ZCCHC14: variants seen among roughly 807,000 people sequenced by gnomAD.
ZCCHC14 encodes the protein zinc finger CCHC domain-containing protein 14.
Under a neutral mutation model 85.0 loss-of-function variants are expected in ZCCHC14, and 16 were observed. The observed-to-expected ratio is 0.19, with a 90% CI of 0.13 to 0.29. The LOEUF (loss-of-function observed/expected upper bound fraction) is 0.29, where lower values mean the gene tolerates loss of function less well. ZCCHC14 is among the 10% of genes least tolerant of loss of function. ZCCHC14 has a pLI of 1.00. For synonymous variants in ZCCHC14, 775 were observed against 630.7 expected, an observed-to-expected ratio of 1.23 and a Z score of -3.43; for missense variants, 1,303 against 1,443.5, an observed-to-expected ratio of 0.90 and a Z score of 1.58.
chr16:87,453,220 G>A lies in ZCCHC14; in HGVS notation c.694+6788C>T, dbSNP rs540718111. On this transcript the variant is annotated intron_variant, in intron 2 of 12. Coordinates refer to ENST00000671377, the MANE Select transcript of ZCCHC14 (RefSeq NM_015144.3). The stretch of plus-strand genomic sequence containing the variant: ...ACGCAGAGCCCGACTAGGGGCAGGT[G>A]GCATGACCTGGGCCCGCTGGGCCAC... Among the ~76,000 whole-genome samples the A allele has an allele frequency of 8.5e-4, 130 of 152,354 alleles. 1 individual carries two copies. The highest frequency in any genetic ancestry group is 8.4e-3 in the Admixed American group (129 of 15,306).
rs1407725950 is a variant in ZCCHC14, at chr16:87,492,502, G to A, written c.-264C>T. ...CCCGGGGCGGCCGGGGCGGCCGGGG[G>A]CGGCGAGCGGCCTCGGGCCCCCCGC... On this transcript the variant is annotated 5_prime_UTR_variant, in exon 1 of 13. Coordinates refer to ENST00000671377, the MANE Select transcript of ZCCHC14 (RefSeq NM_015144.3). The surrounding 1 kb of genome is among the most constrained non-coding windows in gnomAD (Gnocchi z 6.7). 8 of 145,376 alleles carry A rather than the reference G, an allele frequency of 5.5e-5. No homozygotes were observed. In the East Asian group the frequency reaches 1.6e-3, roughly 29 times the overall value. The allele number at this position is 145,376 out of a possible 1,614,324, so 9.0% of individuals were successfully genotyped here.
At position 87,492,599 on chromosome 16, in the gene ZCCHC14, T is replaced by A. The variant is rs1912824440; in HGVS notation, c.-361A>T. ...GCGCGGCGGCGGCGGCGGCTGCTCC[T>A]CGTCGTCGTCGTCGTCGTCGCCCGG... On this transcript the variant is annotated 5_prime_UTR_variant, in exon 1 of 13. Transcript: ENST00000671377. This position sits in a 1 kb window ranked among gnomAD's most constrained non-coding sequence, Gnocchi z 6.7. The A allele has an allele frequency of 7.1e-6, 1 of 140,704 alleles. No homozygotes were observed. The highest frequency in any genetic ancestry group is 7.0e-5 in the Admixed American group (1 of 14,278). The allele number at this position is 140,704 out of a possible 1,614,324, so 8.7% of individuals were successfully genotyped here.
chr16:87,425,941 G>C (rs1006007755), intron 3 of ZCCHC14, among the ~76,000 whole-genome samples: 3 of 152,220 alleles, frequency 2.0e-5, no homozygotes, highest in Non-Finnish European at 4.4e-5. Flanking sequence ...ATCTTATGTT[G>C]AAACAGACAA....
rs199672085 is a variant in ZCCHC14 at position 87,411,721 on chromosome 16, G to A, written c.3000C>T (p.Val1000=). Residue 1000 remains valine (V), a synonymous_variant, in exon 12 of 13, where the codon GTC becomes GTT. Coordinates refer to ENST00000671377, the MANE Select transcript of ZCCHC14 (RefSeq NM_015144.3). ...CGGCAAACGTGGACTGCCCACTCAG[G>A]ACAGGGTCTGGGGTCCCGCTGCTGC... The part of the protein sequence containing the change: ...PYSSSGTPDP[V]LSGQSTFAVP... The A allele has an allele frequency of 1.2e-6, 2 of 1,613,936 alleles. No individual in the cohort carries two copies. Among genetic ancestry groups the A allele is most frequent in the Non-Finnish European group, 1.7e-6 (2 of 1,180,032 alleles).
chr16:87,449,814 G>C (rs1910610315), intron 2 of ZCCHC14, among the ~76,000 whole-genome samples: 1 of 152,184 alleles, frequency 6.6e-6, no homozygotes, highest in Non-Finnish European at 1.5e-5. Flanking sequence ...GGAGGCCGAG[G>C]TGGGTGGATG....
At chr16:87,453,817 C>G (rs574802617) in intron 2 of ZCCHC14, among the ~76,000 whole-genome samples, 1 of 152,154 alleles carries the variant, frequency 6.6e-6, no homozygotes. Context: ...AGAGAAAACG[C>G]GATGAATGGA....
At chr16:87,445,823 A>G (rs1226377066) in intron 2 of ZCCHC14, among the ~76,000 whole-genome samples, 2 of 152,220 alleles carry the variant, frequency 1.3e-5, no homozygotes. Context: ...AAATTTTAAA[A>G]TAAAGCAAAT....
chr16:87,444,364 C>T (rs1910332187), intron 2 of ZCCHC14, among the ~76,000 whole-genome samples: 2 of 152,312 alleles, frequency 1.3e-5, no homozygotes, highest in South Asian at 2.1e-4. Flanking sequence ...AAATCTGGTA[C>T]AGCTTCAACA....
chr16:87,458,381 G>A (rs995789007), intron 2 of ZCCHC14, among the ~76,000 whole-genome samples: 8 of 152,160 alleles, frequency 5.3e-5, no homozygotes, highest in Non-Finnish European at 7.3e-5. Flanking sequence ...ATGAGGGTGC[G>A]GTGAAGACGC....
rs1236482381 is a variant in ZCCHC14 at position 87,492,705 on chromosome 16, C to CCGT, written c.-470_-468dup. The CCGT allele has an allele frequency of 1.4e-5, 2 of 145,410 alleles. No homozygotes were observed. The highest frequency in any genetic ancestry group is 3.1e-5 in the Non-Finnish European group (2 of 65,486). The allele number at this position is 145,410 out of a possible 1,614,324, so 9.0% of individuals were successfully genotyped here. On this transcript the variant is annotated 5_prime_UTR_variant, in exon 1 of 13. Transcript: ENST00000671377. This position sits in a 1 kb window ranked among gnomAD's most constrained non-coding sequence, Gnocchi z 6.7. Reference sequence around the variant, plus strand: ...CCCCGACGGAGCCGCCCCGGCCATGCCGTCGCCGCCGCCCGCGCCTCCGCC... The same window carrying CCGT: ...CCCCGACGGAGCCGCCCCGGCCATGCCGTCGTCGCCGCCGCCCGCGCCTCCGCC...
At chr16:87,462,228 A>T (rs768586942) in intron 1 of ZCCHC14, among the ~76,000 whole-genome samples, 1 of 151,924 alleles carries the variant, frequency 6.6e-6, no homozygotes, top group East Asian at 1.9e-4. Context: ...TGAATTTCTT[A>T]TATTTGTAAT....
chr16:87,453,557 C>T (rs1910810771), intron 2 of ZCCHC14, among the ~76,000 whole-genome samples: 2 of 152,224 alleles, frequency 1.3e-5, no homozygotes, highest in Admixed American at 1.3e-4. Flanking sequence ...GCCCGCCACA[C>T]ACCTGGCTGC....
At chr16:87,430,563 C>T (rs927016538) in intron 3 of ZCCHC14, among the ~76,000 whole-genome samples, 7 of 151,344 alleles carry the variant, frequency 4.6e-5, no homozygotes, top group Admixed American at 1.3e-4. Flanking sequence ...GCTCTGTTGC[C>T]CAGGCTGGAG....
At chr16:87,415,437 G>C (rs1597399598) in intron 8 of ZCCHC14, 70 bp from the exon 9 acceptor site, 1 of 1,305,392 alleles carries the variant, frequency 7.7e-7, no homozygotes, top group East Asian at 2.3e-5. Flanking sequence ...AGAACTTGGA[G>C]TTGAATTCAG....
At chr16:87,461,184 G>A (rs943605259) in intron 1 of ZCCHC14, among the ~76,000 whole-genome samples, 12 of 152,168 alleles carry the variant, frequency 7.9e-5, no homozygotes, top group Admixed American at 2.0e-4. Context: ...AACAAGCCAC[G>A]GGCTAGCCAG....
intron 2 of ZCCHC14, among the ~76,000 whole-genome samples, chr16:87,436,084 T>A (rs1909906463): frequency 6.6e-6 from 1 of 152,210 alleles, no homozygotes; most frequent in South Asian, 2.1e-4. Flanking sequence ...AAACACCATG[T>A]GTACCTCATG....
At chr16:87,479,021 A>T (rs1912148711) in intron 1 of ZCCHC14, among the ~76,000 whole-genome samples, 1 of 152,166 alleles carries the variant, frequency 6.6e-6, no homozygotes, top group Admixed American at 6.5e-5. Context: ...CATACACTAA[A>T]TCTCTTCCTA....
chr16:87,422,882 C>A (rs1016949759), intron 4 of ZCCHC14, among the ~76,000 whole-genome samples: 1 of 150,764 alleles, frequency 6.6e-6, no homozygotes, highest in Non-Finnish European at 1.5e-5. Flanking sequence ...ATTTTAAACA[C>A]TACAGAGGGA....
intron 3 of ZCCHC14, among the ~76,000 whole-genome samples, chr16:87,428,455 C>T (rs1909484086): frequency 6.6e-6 from 1 of 152,234 alleles, no homozygotes; most frequent in African/African-American, 2.4e-5. Context: ...CTATTTATTT[C>T]CACTTACAAA....
Sources: allele counts gnomAD v4.1 joint callset (sites outside exome capture counted in the v4.1 genomes callset), GRCh38; gene constraint gnomAD v4.1.1; non-coding constraint Gnocchi (gnomAD v3.1); transcripts MANE v1.5; gene names NCBI Gene and HGNC (gene_info 2026-07-23, HGNC 2026-07-21).